WDR54: variants seen among roughly 807,000 people sequenced by gnomAD.
WDR54 encodes the protein WD repeat-containing protein 54.
In WDR54, 44 loss-of-function variants were observed where a neutral mutation model predicts 44.1. That is an observed-to-expected ratio of 1.00 (90% confidence interval 0.78 to 1.28). The LOEUF is 1.28. Among genes scored for constraint, WDR54 ranks in the 50% most tolerant of loss-of-function variants. The pLI is 0.00. For missense variants in WDR54, 409 were observed against 429.7 expected, an observed-to-expected ratio of 0.95 and a Z score of 0.43; for synonymous variants, 169 against 169.8, an observed-to-expected ratio of 1.00 and a Z score of 0.04.
rs1378265883 is a variant in WDR54, at chr2:74,424,008, G to A, written c.534+26G>A. The stretch of plus-strand genomic sequence containing the variant: ...GTGAGTGGACTTCCCCTACCCATCT[G>A]GGAGCCTTCCCCACCCTGGGAGGCA... On this transcript the variant is annotated intron_variant, in intron 6 of 9. Transcript: ENST00000348227. 1.9e-6 allele frequency: 3 copies of A among 1,613,426 alleles called. No homozygotes were observed. The South Asian group carries it at 3.3e-5, about 18-fold the overall frequency.
Position 74,422,137 on chromosome 2 carries a change from C to T in WDR54, c.-1-16C>T. ...GTTTGTAGCGCGCCTGGTGATTCGGCTGCACCCCCACACAGGATGTTCCGC... is the reference window on the plus strand; with the variant it reads ...GTTTGTAGCGCGCCTGGTGATTCGGTTGCACCCCCACACAGGATGTTCCGC... On this transcript the variant is annotated splice_polypyrimidine_tract_variant and intron_variant, in intron 1 of 9. Transcript: ENST00000348227. 1 of 1,607,984 alleles carries T rather than the reference C, an allele frequency of 6.2e-7. No homozygotes were observed. Among genetic ancestry groups the T allele is most frequent in the Non-Finnish European group, 8.5e-7 (1 of 1,176,592 alleles).
chr2:74,423,931 T>G lies in WDR54; in HGVS notation c.483T>G (p.Ala161=). 6.2e-7 allele frequency: 1 copy of G among 1,614,166 alleles called. No individual in the cohort carries two copies. The highest frequency in any genetic ancestry group is 8.5e-7 in the Non-Finnish European group (1 of 1,180,040). Residue 161 remains alanine (A), a synonymous_variant, in exon 6 of 10, where the codon GCT becomes GCG. Coordinates refer to ENST00000348227, the MANE Select transcript of WDR54 (RefSeq NM_032118.4). ...ACATTGTACTGAGCGAGGAGCTGGC[T>G]GGGCACCAGATGCCAATCACAGACA... The part of the protein sequence containing the change: ...GPNIVLSEEL[A]GHQMPITDIA...
At chr2:74,423,743 TGA>T in intron 5 of WDR54, 110 bp from the exon 6 acceptor site, 1 of 1,518,190 alleles carries the variant, frequency 6.6e-7, no homozygotes, top group Non-Finnish European at 9.0e-7. Flanking sequence ...GTTGGAGCAG[TGA>T]GAGGGGGTTT....
At position 74,423,905 on chromosome 2, in the gene WDR54, A is replaced by C; in HGVS notation, c.457A>C (p.Asn153His). The C allele has an allele frequency of 1.2e-6, 2 of 1,614,184 alleles. No homozygotes were observed. Among genetic ancestry groups the C allele is most frequent in the Non-Finnish European group, 1.7e-6 (2 of 1,180,030 alleles). ...LVFDIPAKGP[N>H]IVLSEELAGH... ...GTTTGACATCCCAGCAAAGGGTCCCAACATTGTACTGAGCGAGGAGCTGGC... is the reference window on the plus strand; with the variant it reads ...GTTTGACATCCCAGCAAAGGGTCCCCACATTGTACTGAGCGAGGAGCTGGC... Residue 153 changes from asparagine (N) to histidine (H), a missense_variant, in exon 6 of 10, where the codon AAC becomes CAC. Coordinates refer to ENST00000348227, the MANE Select transcript of WDR54 (RefSeq NM_032118.4).
At chr2:74,422,649 C>T (rs1329627603) in intron 2 of WDR54, 11 of 610,044 alleles carry the variant, frequency 1.8e-5, no homozygotes, top group Admixed American at 5.9e-5. Context: ...AAAAATTAAC[C>T]GGGTGTGGTG....
In WDR54 at chr2:74,425,749, C is replaced by G. The variant is rs749595710; in HGVS notation, c.*48C>G. The G allele has an allele frequency of 6.2e-7, 1 of 1,612,426 alleles. No individual in the cohort carries two copies. The highest frequency in any genetic ancestry group is 8.5e-7 in the Non-Finnish European group (1 of 1,179,430). On this transcript the variant is annotated 3_prime_UTR_variant, in exon 10 of 10. Transcript: ENST00000348227. ...CTGTGGTATTCATAAAGTACCCGCT[C>G]CACCCAGCCTTTGTCTGATTACTCA...
In WDR54 at chr2:74,424,919, G is replaced by C. The variant is rs1261631301; in HGVS notation, c.579G>C (p.Leu193=). ...DMVTADDSGL[L]CVWRSGPEFT... is the part of the protein sequence containing the mutation. The stretch of plus-strand genomic sequence containing the variant: ...TGACGGCAGATGACTCAGGCTTGCT[G>C]TGTGTCTGGCGGTCAGGGCCAGAAT... Residue 193 remains leucine, a synonymous_variant, in exon 7 of 10, where the codon CTG becomes CTC. Transcript: ENST00000348227. 1 of 1,614,232 alleles carries C rather than the reference G, an allele frequency of 6.2e-7. No individual in the cohort carries two copies. Among genetic ancestry groups the C allele is most frequent in the Non-Finnish European group, 8.5e-7 (1 of 1,180,038 alleles).
At chr2:74,425,372 CT>C in intron 8 of WDR54, 44 bp from the exon 9 acceptor site, 1 of 1,610,898 alleles carries the variant, frequency 6.2e-7, no homozygotes, top group Non-Finnish European at 8.5e-7. Context: ...CAGCTTATAG[CT>C]GTCCCGTCAG....
chr2:74,423,553 C>T (rs751662241), intron 5 of WDR54, 22 bp downstream of exon 5: 3 of 1,613,040 alleles, frequency 1.9e-6, no homozygotes, highest in Admixed American at 1.7e-5. Flanking sequence ...AAGTGCAGGG[C>T]ATGGAGGGGT....
intron 3 of WDR54, 158 bp from the exon 4 acceptor site, chr2:74,423,161 A>T: frequency 2.1e-6 from 2 of 946,434 alleles, no homozygotes; most frequent in Non-Finnish European, 3.4e-6. Context: ...TTAACTTCTC[A>T]CTCTCACTGT....
intron 1 of WDR54, 137 bp from the exon 2 acceptor site, chr2:74,422,016 C>G (rs1160603251): frequency 4.7e-6 from 4 of 857,234 alleles, no homozygotes; most frequent in Non-Finnish European, 7.4e-6. Flanking sequence ...GACCCTCCCC[C>G]ATCACCGTCC....
At position 74,425,084 on chromosome 2, in the gene WDR54, C is replaced by T. The variant is rs763492464; in HGVS notation, c.645C>T (p.Cys215=). The change falls in exon 8 of 10, where the codon TGC becomes TGT. Residue 215 remains cysteine (C), a synonymous_variant. Transcript: ENST00000348227. ...GGTGTCACCCTTGCAGAGTTCCGTG[C>T]CCCTCTGTGCAGCTGTGGCAGGGGA... is the stretch of plus-strand genomic sequence containing the variant. ...LTRIPGFGVP[C]PSVQLWQGII... 5.6e-6 allele frequency: 9 copies of T among 1,602,628 alleles called. No homozygotes were observed. The South Asian group carries it at 8.9e-5, about 16-fold the overall frequency.
chr2:74,422,914 C>A lies in WDR54; in HGVS notation c.267C>A (p.Thr89=). The change falls in exon 3 of 10, where the codon ACC becomes ACA. Residue 89 remains threonine, a synonymous_variant. Coordinates refer to ENST00000348227, the MANE Select transcript of WDR54 (RefSeq NM_032118.4). The part of the protein sequence containing the change: ...VLPFRVLLVL[T]SHRGIQMYES... The stretch of plus-strand genomic sequence containing the variant: ...CCTTCCGAGTGCTGCTGGTACTCAC[C>A]TCACATCGAGGAATACAGGTAAGAA... The A allele has an allele frequency of 6.2e-7, 1 of 1,614,154 alleles. No individual in the cohort carries two copies.
rs759902220 is a variant in WDR54, at chr2:74,425,523, G to C, written c.873+32G>C. 3.1e-6 allele frequency: 5 copies of C among 1,614,086 alleles called. No individual in the cohort carries two copies. In the Admixed American group the frequency reaches 8.3e-5, roughly 27 times the overall value. On this transcript the variant is annotated intron_variant, in intron 9 of 9. Transcript: ENST00000348227. ...GTCATGGGGTGGGTGGAATGGGGGG[G>C]CCCAAGCATGGGGCAGCAGGCCCTG...
At chr2:74,424,828 C>G in intron 6 of WDR54, 47 bp from the exon 7 acceptor site, 1 of 1,605,622 alleles carries the variant, frequency 6.2e-7, no homozygotes, top group Non-Finnish European at 8.5e-7. Context: ...GTATACAGGA[C>G]CATAGCAGGG....
intron 2 of WDR54, 60 bp from the exon 3 acceptor site, chr2:74,422,810 A>C (rs1305177918): frequency 1.5e-5 from 22 of 1,469,318 alleles, no homozygotes; most frequent in East Asian, 4.5e-5. Flanking sequence ...AAAAAAAAAA[A>C]CAAACAAACT....
rs906811731 is a variant in WDR54, at chr2:74,425,591, TG to T, written c.896del (p.Cys299LeufsTer22). On this transcript the variant is annotated frameshift_variant, in exon 10 of 10. Coordinates refer to ENST00000348227, the MANE Select transcript of WDR54 (RefSeq NM_032118.4). LOFTEE classifies it high-confidence loss of function. ...YIEVEHCHGE[C>X]VADTQLCGAR... ...CCAGGTGGAACACTGTCATGGTGAGTGTGTCGCCGACACCCAGCTGTGTGGT... is the reference window on the plus strand; with the variant it reads ...CCAGGTGGAACACTGTCATGGTGAGTTGTCGCCGACACCCAGCTGTGTGGT... 1.2e-6 allele frequency: 2 copies of T among 1,614,020 alleles called. No individual in the cohort carries two copies. The highest frequency in any genetic ancestry group is 2.7e-5 in the African/African-American group (2 of 74,894).
At chr2:74,424,751 C>T in intron 6 of WDR54, 124 bp from the exon 7 acceptor site, 2 of 1,206,288 alleles carry the variant, frequency 1.7e-6, no homozygotes, top group Non-Finnish European at 2.4e-6. Flanking sequence ...CTAGTGAGAG[C>T]TCCACACCTT....
chr2:74,422,093 G>A (rs952790578), intron 1 of WDR54, 60 bp from the exon 2 acceptor site: 1 of 1,545,786 alleles, frequency 6.5e-7, no homozygotes, highest in African/African-American at 1.4e-5. Flanking sequence ...AGCCGCCCTC[G>A]GGCATCTCCG....
Sources: allele counts gnomAD v4.1 joint callset, GRCh38; gene constraint gnomAD v4.1.1; transcripts MANE v1.5; gene names NCBI Gene and HGNC (gene_info 2026-07-23, HGNC 2026-07-21).